The following CLIP2 variants were observed in gnomAD, a reference collection of about 807,000 sequenced individuals.
The protein encoded by CLIP2 is CAP-Gly domain containing linker protein 2, also known as CAP-Gly domain-containing linker protein 2.
A neutral mutation model predicts 111.7 loss-of-function variants in CLIP2; 41 were observed. The ratio of observed to expected loss-of-function variants is 0.37; its 90% CI spans 0.29 to 0.48. CLIP2 has a LOEUF of 0.48. Ranked by LOEUF, CLIP2 falls within the 20% of genes least tolerant of loss-of-function variation. The probability of loss-of-function intolerance (pLI) is 0.99; values close to 1 mark genes in which losing one functional copy is unlikely to be tolerated. For synonymous variants in CLIP2, 660 were observed against 644.2 expected, an observed-to-expected ratio of 1.02 and a Z score of -0.37; for missense variants, 1,160 against 1,422.1, an observed-to-expected ratio of 0.82 and a Z score of 2.96.
intron 3 of CLIP2, among the ~76,000 whole-genome samples, chr7:74,353,514 G>A (rs1790069203): frequency 6.6e-6 from 1 of 152,140 alleles, no homozygotes; most frequent in African/African-American, 2.4e-5. Context: ...GCCTCCCAAA[G>A]TGCTGGGATT....
At chr7:74,352,989 A>G (rs1373347009) in intron 3 of CLIP2, among the ~76,000 whole-genome samples, 2 of 150,864 alleles carry the variant, frequency 1.3e-5, no homozygotes, top group Non-Finnish European at 3.0e-5. Flanking sequence ...TCTACAAAAA[A>G]TTTTTTAAAA....
At chr7:74,337,673 G>A (rs1442119266) in intron 2 of CLIP2, among the ~76,000 whole-genome samples, 1 of 151,274 alleles carries the variant, frequency 6.6e-6, no homozygotes, top group Non-Finnish European at 1.5e-5. Context: ...TCAACTCACT[G>A]CAATCTCCAC....
chr7:74,376,410 AG>A lies in CLIP2; in HGVS notation c.2010del (p.Lys670AsnfsTer10). 1 of 1,614,076 alleles carries A rather than the reference AG, an allele frequency of 6.2e-7. No individual in the cohort carries two copies. On this transcript the variant is annotated frameshift_variant, in exon 10 of 17. Transcript: ENST00000223398. LOFTEE classifies it high-confidence loss of function. The surrounding 1 kb of genome is among the most constrained non-coding windows in gnomAD (Gnocchi z 7.1). ...HQLELGNLQA[K>X]HDLETAMHVK... is the part of the protein sequence containing the mutation. ...CTGGAGCTGGGTAACTTGCAGGCCAAGCATGACCTGGAGACCGCCATGCACG... is the reference window on the plus strand; with the variant it reads ...CTGGAGCTGGGTAACTTGCAGGCCAACATGACCTGGAGACCGCCATGCACG...
intron 3 of CLIP2, among the ~76,000 whole-genome samples, chr7:74,339,795 CCCCTGG>C (rs1276431480): frequency 2.0e-5 from 3 of 152,040 alleles, no homozygotes; most frequent in Non-Finnish European, 4.4e-5. Flanking sequence ...GTTCTCAAGA[CCCCTGG>C]TCCTGGCCAG....
At chr7:74,391,605 A>T (rs1428491191) in intron 13 of CLIP2, among the ~76,000 whole-genome samples, 1 of 151,850 alleles carries the variant, frequency 6.6e-6, no homozygotes, top group African/African-American at 2.4e-5. Context: ...AGATCACTTG[A>T]GCTCAGGAGC....
In CLIP2 at chr7:74,397,208, G is replaced by C; in HGVS notation, c.2855G>C (p.Gly952Ala). ...CAGAAACTCAAGGATGACATCCGGG[G>C]CCTGCGTGAAAAGCTGACCGGGCTG... ...KEQKLKDDIR[G>A]LREKLTGLDK... Residue 952 changes from glycine to alanine, a missense_variant, in exon 14 of 17, where the codon GGC (glycine) becomes GCC (alanine). Around this residue, in one of 5 missense-constraint regions of CLIP2, gnomAD observed 676 missense variants for 777.8 expected, o/e 0.87. Coordinates refer to ENST00000223398, the MANE Select transcript of CLIP2 (RefSeq NM_003388.5). 1 of 1,613,812 alleles carries C rather than the reference G, an allele frequency of 6.2e-7. No individual in the cohort carries two copies. The highest frequency in any genetic ancestry group is 8.5e-7 in the Non-Finnish European group (1 of 1,179,956).
chr7:74,389,282 T>A, intron 13 of CLIP2, 23 bp downstream of exon 13: 1 of 1,551,834 alleles, frequency 6.4e-7, no homozygotes, highest in Non-Finnish European at 8.7e-7. Flanking sequence ...TGGGGCCGGC[T>A]GGGTCCTCCC....
chr7:74,307,161 G>A (rs1450262176), intron 1 of CLIP2, among the ~76,000 whole-genome samples: 2 of 152,202 alleles, frequency 1.3e-5, no homozygotes, highest in African/African-American at 4.8e-5. Flanking sequence ...CACAGCAAGG[G>A]TGGCCGGGCC....
chr7:74,372,830 C>G, intron 8 of CLIP2, 102 bp from the exon 9 acceptor site: 9 of 634,218 alleles, frequency 1.4e-5, no homozygotes, highest in East Asian at 7.3e-5. Context: ...CCTCCTCTCT[C>G]TCTCTCTCTC....
In CLIP2 at chr7:74,330,988, T is replaced by C. The variant is rs528026502; in HGVS notation, c.122-7460T>C. 1.1e-4 allele frequency among the ~76,000 whole-genome samples: 16 copies of C among 152,002 alleles called. No individual in the cohort carries two copies. In the East Asian group the frequency reaches 2.9e-3, roughly 28 times the overall value. The stretch of plus-strand genomic sequence containing the variant: ...GGGAGGCTGAGGTGGGTGGATCACC[T>C]GAGGTCAGGAATTCGAGATGAGCCT... On this transcript the variant is annotated intron_variant, in intron 2 of 16. Coordinates refer to ENST00000223398, the MANE Select transcript of CLIP2 (RefSeq NM_003388.5).
intron 3 of CLIP2, among the ~76,000 whole-genome samples, chr7:74,341,199 T>G (rs548623594): frequency 3.7e-4 from 56 of 152,188 alleles, no homozygotes; most frequent in African/African-American, 1.2e-3. Context: ...GTTTTTTGTT[T>G]TGTTTTGTTT....
intron 10 of CLIP2, 33 bp from the exon 11 acceptor site, chr7:74,380,773 T>G: frequency 6.3e-7 from 1 of 1,577,302 alleles, no homozygotes; most frequent in Non-Finnish European, 8.7e-7. Context: ...GGGGCAGAGG[T>G]GAGCATCCCC....
chr7:74,310,036 C>CAAAAAAAAAAAAAA lies in CLIP2; in HGVS notation c.-67-7415_-67-7402dup, dbSNP rs71094774. Among the ~76,000 whole-genome samples, 23 of 92,478 alleles carry CAAAAAAAAAAAAAA rather than the reference C, an allele frequency of 2.5e-4. 1 individual carries two copies. The highest frequency in any genetic ancestry group is 5.5e-4 in the African/African-American group (9 of 16,226). 60.7% of individuals were successfully genotyped at this position (92,478 alleles called of 152,430 possible). On this transcript the variant is annotated intron_variant, in intron 1 of 16. Transcript: ENST00000223398. ...GCAATATGGCAAGACCCTGTCTCTA[C>CAAAAAAAAAAAAAA]AAAAAAAAAAAAAAAAAAAAAAAAA...
At chr7:74,296,229 C>T (rs990633958) in intron 1 of CLIP2, among the ~76,000 whole-genome samples, 1 of 152,252 alleles carries the variant, frequency 6.6e-6, no homozygotes, top group South Asian at 2.1e-4. Flanking sequence ...GTGCCCAGCA[C>T]GGTGGCTCAA....
At chr7:74,314,885 C>T (rs545804793) in intron 1 of CLIP2, among the ~76,000 whole-genome samples, 8 of 152,230 alleles carry the variant, frequency 5.3e-5, no homozygotes, top group Non-Finnish European at 7.3e-5. Context: ...CCCTGACCCC[C>T]TAAACAGATA....
At chr7:74,397,269 C>G (rs781841538) in intron 14 of CLIP2, 36 bp downstream of exon 14, 1 of 1,601,852 alleles carries the variant, frequency 6.2e-7, no homozygotes, top group East Asian at 2.2e-5. Context: ...GGCAGGGGCA[C>G]TAGTCCGGGT....
intron 3 of CLIP2, among the ~76,000 whole-genome samples, chr7:74,347,119 GTTGCCTGGTGACTGTTCCCC>G (rs560827575): frequency 1.0e-3 from 156 of 152,120 alleles, no homozygotes; most frequent in Non-Finnish European, 1.8e-3. Context: ...ATGACTACTC[GTTGCCTGGTGACTGTTCCCC>G]TTGCCTGGTG....
chr7:74,403,750 A>T (rs782316592), intron 16 of CLIP2, 87 bp from the exon 17 acceptor site: 147 of 1,434,874 alleles, frequency 1.0e-4, no homozygotes, highest in Admixed American at 1.8e-4. Context: ...CCCGGCCCCA[A>T]CTCCTTTCCT....
In CLIP2 at chr7:74,401,501, C is replaced by A. The variant is rs1554317633; in HGVS notation, c.3067-4C>A. ...TGGCTCAGTGTCTCCCCTAACTCTT[C>A]CAGACCATCGGCAATTCCGGTTCTG... is the stretch of plus-strand genomic sequence containing the variant. On this transcript the variant is annotated splice_region_variant and splice_polypyrimidine_tract_variant and intron_variant, in intron 15 of 16. Transcript: ENST00000223398. The A allele has an allele frequency of 1.2e-6, 2 of 1,614,030 alleles. No homozygotes were observed. The highest frequency in any genetic ancestry group is 1.7e-6 in the Non-Finnish European group (2 of 1,179,950).
Sources: gnomAD v4.1 joint callset for allele counts (sites outside exome capture counted in the v4.1 genomes callset) on GRCh38, gnomAD v4.1.1 for gene constraint, gnomAD v4.1.1 regional missense constraint, Gnocchi (gnomAD v3.1) non-coding constraint, MANE v1.5 for transcripts, NCBI Gene and HGNC (gene_info 2026-07-23, HGNC 2026-07-21) for gene names.